SNX29: variants seen among roughly 807,000 people sequenced by gnomAD.
SNX29 encodes the protein sorting nexin 29.
In SNX29, 78 loss-of-function variants were observed where a neutral mutation model predicts 102.1. The observed-to-expected ratio is 0.76, with a 90% CI of 0.64 to 0.92. SNX29 has a LOEUF of 0.92. SNX29 is among the 40% of genes least tolerant of loss of function. The probability of loss-of-function intolerance (pLI) is 0.00; values close to 1 mark genes in which losing one functional copy is unlikely to be tolerated. For missense variants in SNX29, 1,280 were observed against 1,061.7 expected (o/e 1.21, Z -2.86); for synonymous variants, 580 against 414.5 (o/e 1.40, Z -4.85).
At chr16:12,237,733 C>A (rs867588042) in intron 14 of SNX29, among the ~76,000 whole-genome samples, 4 of 152,060 alleles carry the variant, frequency 2.6e-5, no homozygotes, top group African/African-American at 9.7e-5. Flanking sequence ...TTGGTGAAAC[C>A]CCCGTCTCTA....
chr16:12,113,097 C>G (rs906777564), intron 11 of SNX29, among the ~76,000 whole-genome samples: 2 of 152,252 alleles, frequency 1.3e-5, no homozygotes, highest in African/African-American at 4.8e-5. Flanking sequence ...GACTCCAAGA[C>G]TGGGCAGCAT....
intron 14 of SNX29, among the ~76,000 whole-genome samples, chr16:12,246,341 GA>G (rs199866894): frequency 1.3e-5 from 2 of 151,028 alleles, no homozygotes; most frequent in East Asian, 3.9e-4. Flanking sequence ...ATGTCTGCAT[GA>G]AAAAAAAAGA....
intron 19 of SNX29, among the ~76,000 whole-genome samples, chr16:12,497,894 C>A (rs902568416): frequency 6.6e-6 from 1 of 152,158 alleles, no homozygotes; most frequent in African/African-American, 2.4e-5. Flanking sequence ...TGTGATTGGC[C>A]AGGTCATTGG....
At chr16:12,199,826 T>A (rs1161215998) in intron 14 of SNX29, 143 bp downstream of exon 14, 3 of 691,516 alleles carry the variant, frequency 4.3e-6, no homozygotes, top group African/African-American at 1.8e-5. Flanking sequence ...TTCCAGAAAA[T>A]TAATCAGGTG....
intron 20 of SNX29, among the ~76,000 whole-genome samples, chr16:12,535,516 G>A (rs924788390): frequency 1.3e-5 from 2 of 152,190 alleles, no homozygotes; most frequent in Non-Finnish European, 2.9e-5. Context: ...GTCTCACAGA[G>A]TGAAGTGGCC....
At chr16:12,306,123 C>T (rs1419397198) in intron 15 of SNX29, among the ~76,000 whole-genome samples, 1 of 151,352 alleles carries the variant, frequency 6.6e-6, no homozygotes, top group Non-Finnish European at 1.5e-5. Flanking sequence ...CTCCTCTGAA[C>T]CTCCATTTCC....
intron 16 of SNX29, among the ~76,000 whole-genome samples, chr16:12,380,402 TCCAC>T (rs1174680272): frequency 2.3e-5 from 1 of 43,290 alleles, no homozygotes; most frequent in African/African-American, 7.0e-5. Context: ...CCCTCATCCA[TCCAC>T]CCACCCACCC....
At chr16:12,567,966 T>G (rs1448734959) in intron 20 of SNX29, among the ~76,000 whole-genome samples, 1 of 152,130 alleles carries the variant, frequency 6.6e-6, no homozygotes, top group Non-Finnish European at 1.5e-5. Flanking sequence ...GTCCCCCTCT[T>G]GGTGTTATCT....
At chr16:12,265,463 G>T (rs1452630123) in intron 14 of SNX29, among the ~76,000 whole-genome samples, 4 of 152,096 alleles carry the variant, frequency 2.6e-5, no homozygotes, top group Non-Finnish European at 4.4e-5. Context: ...CGAAACAGGT[G>T]AGCAGATTTC....
At chr16:12,158,592 C>T (rs968496091) in intron 13 of SNX29, among the ~76,000 whole-genome samples, 1 of 152,220 alleles carries the variant, frequency 6.6e-6, no homozygotes, top group African/African-American at 2.4e-5. Flanking sequence ...TCATAAGTGC[C>T]TCACAGGCCA....
Position 12,216,315 on chromosome 16 carries a change from G to A in SNX29, c.1678+16632G>A, listed in dbSNP as rs116212854. On this transcript the variant is annotated intron_variant, in intron 14 of 20. Coordinates refer to ENST00000566228, the MANE Select transcript of SNX29 (RefSeq NM_032167.5). ...AAGCATTCTCTGCCTGAAGGGCTTT[G>A]TGACCCCTCCCCTGACCCTTTCCTT... 4.3e-3 allele frequency among the ~76,000 whole-genome samples: 657 copies of A among 152,298 alleles called. 5 individuals carry two copies. Among genetic ancestry groups the A allele is most frequent in the African/African-American group, 0.015 (627 of 41,554 alleles).
intron 16 of SNX29, chr16:12,373,793 G>T (rs2082775007): frequency 6.6e-6 from 1 of 152,210 alleles, no homozygotes; most frequent in Admixed American, 6.5e-5. Flanking sequence ...GAAGCATTCT[G>T]TGCCTGCCCC....
intron 14 of SNX29, among the ~76,000 whole-genome samples, chr16:12,219,728 C>T (rs901336290): frequency 3.9e-5 from 6 of 152,230 alleles, no homozygotes; most frequent in African/African-American, 1.4e-4. Context: ...AGACCAGTTT[C>T]CTCTGGAAAT....
At chr16:12,115,467 G>A (rs1454572594) in intron 11 of SNX29, among the ~76,000 whole-genome samples, 1 of 147,978 alleles carries the variant, frequency 6.8e-6, no homozygotes, top group Non-Finnish European at 1.5e-5. Flanking sequence ...CCTTGCCCCT[G>A]GGTTGCTCCA....
chr16:12,559,446 A>G (rs901747057), intron 20 of SNX29, among the ~76,000 whole-genome samples: 3 of 151,512 alleles, frequency 2.0e-5, no homozygotes, highest in Admixed American at 2.0e-4. Flanking sequence ...GCTCCCAATG[A>G]TTCTACATTA....
chr16:12,074,700 G>A (rs1346446657), intron 10 of SNX29, among the ~76,000 whole-genome samples: 1 of 152,126 alleles, frequency 6.6e-6, no homozygotes, highest in Non-Finnish European at 1.5e-5. Flanking sequence ...TCCTGAATCT[G>A]AATGTTGGCC....
At chr16:12,392,053 A>G (rs2083549073) in intron 16 of SNX29, among the ~76,000 whole-genome samples, 1 of 152,218 alleles carries the variant, frequency 6.6e-6, no homozygotes, top group Non-Finnish European at 1.5e-5. Flanking sequence ...CTTTATAGAA[A>G]TGGTTCATGC....
chr16:12,476,389 T>TATATAC (rs2087617553), intron 18 of SNX29, among the ~76,000 whole-genome samples: 1 of 13,964 alleles, frequency 7.2e-5, no homozygotes, highest in Non-Finnish European at 1.1e-4. Flanking sequence ...AAAAAATATA[T>TATATAC]ATATATATAT....
intron 7 of SNX29, among the ~76,000 whole-genome samples, chr16:12,050,717 C>CT (rs559965302): frequency 8.4e-4 from 123 of 146,366 alleles, no homozygotes; most frequent in Admixed American, 9.6e-4. Flanking sequence ...ATTTCTGCCA[C>CT]TTTTTTTTTT....
Sources: gnomAD v4.1 joint callset for allele counts (sites outside exome capture counted in the v4.1 genomes callset) on GRCh38, gnomAD v4.1.1 for gene constraint, MANE v1.5 for transcripts, NCBI Gene and HGNC (gene_info 2026-07-23, HGNC 2026-07-21) for gene names.